Variants in PLBD1 observed in about 807,000 individuals in gnomAD.
PLBD1 encodes the protein lysosomal leucine aminopeptidase.
PLBD1 carries 60 observed loss-of-function variants against 63.0 expected under a neutral mutation model. The observed-to-expected ratio is 0.95, with a 90% CI of 0.77 to 1.18. PLBD1 has a LOEUF of 1.18. Ranked by LOEUF, PLBD1 falls within the 50% of genes most tolerant of loss-of-function variation. PLBD1 has a pLI of 0.00. For synonymous variants in PLBD1, 262 were observed against 248.0 expected, an observed-to-expected ratio of 1.06 and a Z score of -0.53; for missense variants, 598 against 677.9, an observed-to-expected ratio of 0.88 and a Z score of 1.31.
At chr12:14,537,265 GA>G (rs1565576893) in intron 4 of PLBD1, among the ~76,000 whole-genome samples, 3 of 152,116 alleles carry the variant, frequency 2.0e-5, no homozygotes, top group Non-Finnish European at 4.4e-5. Flanking sequence ...GAGTAAAACA[GA>G]GCTTTCTGTT....
chr12:14,528,768 A>G (rs145134454), intron 6 of PLBD1, among the ~76,000 whole-genome samples: 1,888 of 152,236 alleles, frequency 0.012, 15 homozygotes, highest in Non-Finnish European at 0.021. Flanking sequence ...AATGGACAAT[A>G]TCATGAATGA....
intron 6 of PLBD1, among the ~76,000 whole-genome samples, chr12:14,529,915 T>G (rs148159194): frequency 2.6e-5 from 4 of 152,336 alleles, no homozygotes; most frequent in Non-Finnish European, 5.9e-5. Context: ...AGGATAATAA[T>G]GTACAAAAAA....
chr12:14,542,383 TG>T, intron 2 of PLBD1, 92 bp from the exon 3 acceptor site: 1 of 934,816 alleles, frequency 1.1e-6, no homozygotes, highest in Non-Finnish European at 1.7e-6. Context: ...CTAACTAGGA[TG>T]TCCCTTATTA....
At chr12:14,524,728 C>A (rs370748621) in intron 6 of PLBD1, among the ~76,000 whole-genome samples, 3 of 152,062 alleles carry the variant, frequency 2.0e-5, no homozygotes, top group African/African-American at 7.2e-5. Flanking sequence ...AAGGTACGAC[C>A]CCACACTTAA....
intron 1 of PLBD1, among the ~76,000 whole-genome samples, chr12:14,563,279 GGAGGCCAGGGCAGGCGATGCACTT>G (rs1945755686): frequency 6.6e-6 from 1 of 152,114 alleles, no homozygotes; most frequent in South Asian, 2.1e-4. Flanking sequence ...CAGCACTTCG[GGAGGCCAGGGCAGGCGATGCACTT>G]GAGGCCAGGA....
intron 6 of PLBD1, among the ~76,000 whole-genome samples, chr12:14,512,859 A>G (rs1945308899): frequency 6.6e-6 from 1 of 152,222 alleles, no homozygotes; most frequent in South Asian, 2.1e-4. Flanking sequence ...GTGAGGTCAC[A>G]GAGAGAAGGC....
chr12:14,534,420 T>C (rs1305960986), intron 6 of PLBD1, among the ~76,000 whole-genome samples: 1 of 152,138 alleles, frequency 6.6e-6, no homozygotes, highest in Non-Finnish European at 1.5e-5. Context: ...AAATACATAG[T>C]TTTATCTTAA....
intron 1 of PLBD1, among the ~76,000 whole-genome samples, chr12:14,561,754 C>A (rs974291876): frequency 6.6e-6 from 1 of 152,104 alleles, no homozygotes; most frequent in Non-Finnish European, 1.5e-5. Context: ...CGGGGTTTGT[C>A]CATGTTGGTC....
intron 1 of PLBD1, among the ~76,000 whole-genome samples, chr12:14,563,016 A>G (rs567076887): frequency 6.6e-6 from 1 of 152,294 alleles, no homozygotes; most frequent in South Asian, 2.1e-4. Context: ...TTTTAAAAAA[A>G]TTGTTTTACT....
intron 6 of PLBD1, among the ~76,000 whole-genome samples, chr12:14,521,380 C>T (rs1486275775): frequency 2.0e-5 from 3 of 152,104 alleles, no homozygotes; most frequent in East Asian, 3.9e-4. Flanking sequence ...AGAGGACAGA[C>T]TGTGTCTAAT....
rs1046580444 is a variant in PLBD1 at position 14,536,845 on chromosome 12, T to C, written c.559-135A>G. On this transcript the variant is annotated intron_variant, in intron 4 of 10. Transcript: ENST00000240617. ...GGCTCACGCCTGTAATCCCAGCACT[T>C]TGGGAGGCCAACGCGGGTGGATCTC... is the stretch of plus-strand genomic sequence containing the variant. The C allele has an allele frequency of 4.4e-5, 52 of 1,176,212 alleles. No homozygotes were observed. In the African/African-American group the frequency reaches 6.2e-4, roughly 14 times the overall value. The allele number at this position is 1,176,212 out of a possible 1,614,324, so 72.9% of individuals were successfully genotyped here.
chr12:14,548,820 A>T (rs189719155), intron 2 of PLBD1, among the ~76,000 whole-genome samples: 74 of 152,262 alleles, frequency 4.9e-4, no homozygotes, highest in African/African-American at 1.8e-3. Flanking sequence ...TGCTGAGTTG[A>T]CTCATTCAAA....
Position 14,543,230 on chromosome 12 carries a change from G to A in PLBD1, c.336-939C>T, listed in dbSNP as rs561146126. 1.7e-3 allele frequency among the ~76,000 whole-genome samples: 263 copies of A among 151,600 alleles called. 1 individual carries two copies. Among genetic ancestry groups the A allele is most frequent in the Middle Eastern group, 3.4e-3 (1 of 294 alleles). On this transcript the variant is annotated intron_variant, in intron 2 of 10. Transcript: ENST00000240617. ...CAGTTTTGCTGATTTAAAACCTATA[G>A]AATGTATTTTTATTCTTAATATTAA...
intron 1 of PLBD1, among the ~76,000 whole-genome samples, chr12:14,557,113 C>T (rs1945712519): frequency 6.6e-6 from 1 of 151,282 alleles, no homozygotes; most frequent in Non-Finnish European, 1.5e-5. Flanking sequence ...ATCAAAACCA[C>T]AATGAAATAC....
At chr12:14,559,198 A>G (rs1384858159) in intron 1 of PLBD1, among the ~76,000 whole-genome samples, 1 of 152,246 alleles carries the variant, frequency 6.6e-6, no homozygotes, top group Non-Finnish European at 1.5e-5. Context: ...ATGCAAACCT[A>G]GTTTTATACA....
intron 10 of PLBD1, among the ~76,000 whole-genome samples, chr12:14,504,960 G>T (rs1945241016): frequency 1.3e-5 from 2 of 152,130 alleles, no homozygotes; most frequent in Non-Finnish European, 2.9e-5. Flanking sequence ...GTTCTCCCAG[G>T]CAAGGCAGCA....
intron 3 of PLBD1, among the ~76,000 whole-genome samples, 157 bp downstream of exon 3, chr12:14,542,051 T>C (rs1428944332): frequency 1.3e-5 from 2 of 152,196 alleles, no homozygotes; most frequent in Non-Finnish European, 1.5e-5. Context: ...CCACTTTTCA[T>C]GCCATTAGCA....
intron 6 of PLBD1, among the ~76,000 whole-genome samples, chr12:14,531,946 G>A (rs1945467109): frequency 1.3e-5 from 2 of 152,200 alleles, no homozygotes; most frequent in Admixed American, 6.5e-5. Context: ...TTAAGTGCAT[G>A]TATTTGAAAG....
At chr12:14,531,942 G>T (rs1211454060) in intron 6 of PLBD1, among the ~76,000 whole-genome samples, 1 of 152,188 alleles carries the variant, frequency 6.6e-6, no homozygotes, top group Non-Finnish European at 1.5e-5. Flanking sequence ...AATGTTAAGT[G>T]CATGTATTTG....
Sources: gnomAD v4.1 joint callset for allele counts (sites outside exome capture counted in the v4.1 genomes callset) on GRCh38, gnomAD v4.1.1 for gene constraint, MANE v1.5 for transcripts, NCBI Gene and HGNC (gene_info 2026-07-23, HGNC 2026-07-21) for gene names.